Variants in RNF149 observed in about 807,000 individuals in gnomAD.
RNF149 encodes E3 ubiquitin-protein ligase RNF149.
RNF149 carries 21 observed loss-of-function variants against 39.0 expected under a neutral mutation model. That is an observed-to-expected ratio of 0.54 (90% CI 0.38 to 0.77). RNF149 has a LOEUF of 0.77. Among genes scored for constraint, RNF149 ranks in the 30% least tolerant of loss-of-function variants. The pLI is 0.00. For missense variants in RNF149, 493 were observed against 534.9 expected (o/e 0.92, Z 0.77); for synonymous variants, 209 against 213.6 (o/e 0.98, Z 0.19).
intron 3 of RNF149, among the ~76,000 whole-genome samples, chr2:101,289,360 G>A (rs2104405225): frequency 6.6e-6 from 1 of 152,262 alleles, no homozygotes; most frequent in Admixed American, 6.5e-5. Flanking sequence ...TGTCAATATG[G>A]AAGCAGTAAA....
chr2:101,301,865 A>G lies in RNF149; in HGVS notation c.460+6264T>C, dbSNP rs537897968. On this transcript the variant is annotated intron_variant, in intron 1 of 6. Transcript: ENST00000295317. ...ACAACTATTTAAAGTAGATTTCAAC[A>G]TTCTCTTGAAGGAGATGGCAGTTAC... Among the ~76,000 whole-genome samples, 3 of 152,350 alleles carry G rather than the reference A, an allele frequency of 2.0e-5. No individual in the cohort carries two copies. In the East Asian group the frequency reaches 5.8e-4, roughly 29 times the overall value.
chr2:101,291,560 G>A lies in RNF149; in HGVS notation c.780+2454C>T, dbSNP rs547717047. ...AGTCTCCCAAAGTGCTGGGATTACAGGTGCGAGCCACCCTGCCAGACCACA... is the reference window on the plus strand; with the variant it reads ...AGTCTCCCAAAGTGCTGGGATTACAAGTGCGAGCCACCCTGCCAGACCACA... On this transcript the variant is annotated intron_variant, in intron 3 of 6. Coordinates refer to ENST00000295317, the MANE Select transcript of RNF149 (RefSeq NM_173647.4). Among the ~76,000 whole-genome samples, 4 of 152,166 alleles carry A rather than the reference G, an allele frequency of 2.6e-5. No homozygotes were observed. In the East Asian group the frequency reaches 5.8e-4, roughly 22 times the overall value.
downstream of RNF149, among the ~76,000 whole-genome samples, chr2:101,272,124 C>G (rs1682155239): frequency 6.6e-6 from 1 of 152,156 alleles, no homozygotes; most frequent in Non-Finnish European, 1.5e-5. Context: ...ACTTTACATC[C>G]TGTCCTTTTT....
chr2:101,298,765 T>C (rs1348324781), intron 1 of RNF149, among the ~76,000 whole-genome samples: 1 of 152,168 alleles, frequency 6.6e-6, no homozygotes, highest in Non-Finnish European at 1.5e-5. Context: ...ACCATGACTG[T>C]TTCTGGGGAG....
chr2:101,288,791 G>C (rs1573235050), intron 4 of RNF149, 182 bp downstream of exon 4: 1 of 534,880 alleles, frequency 1.9e-6, no homozygotes, highest in East Asian at 3.3e-5. Flanking sequence ...GAATCTCCTA[G>C]GCAAAGCAAT....
chr2:101,304,507 G>T (rs1341513054), intron 1 of RNF149, among the ~76,000 whole-genome samples: 1 of 152,174 alleles, frequency 6.6e-6, no homozygotes, highest in Non-Finnish European at 1.5e-5. Context: ...AAAGTTCTGT[G>T]TATCACTCCT....
At chr2:101,307,990 C>T (rs1683742591) in intron 1 of RNF149, 139 bp downstream of exon 1, 2 of 1,440,128 alleles carry the variant, frequency 1.4e-6, no homozygotes, top group Non-Finnish European at 1.8e-6. Flanking sequence ...ACGAGGGCTT[C>T]CCTGAAAGTT....
intron 1 of RNF149, among the ~76,000 whole-genome samples, chr2:101,297,255 T>C (rs1442808628): frequency 6.7e-6 from 1 of 150,362 alleles, no homozygotes; most frequent in East Asian, 1.9e-4. Context: ...AAAAAATAGA[T>C]GTAACATAAC....
chr2:101,293,428 C>T (rs1486616747), intron 3 of RNF149, among the ~76,000 whole-genome samples: 1 of 152,190 alleles, frequency 6.6e-6, no homozygotes, highest in African/African-American at 2.4e-5. Context: ...CCTTTTAAGG[C>T]ATCTATCCTC....
Position 101,275,676 on chromosome 2 carries a change from C to T in RNF149, c.*1562G>A, listed in dbSNP as rs13017536. Reference sequence around the variant, plus strand: ...CGGGATGGTCTCGATCTCCTGACCTCGTGATCCGCCCGCCTCGGCCTCCCA... The same window carrying T: ...CGGGATGGTCTCGATCTCCTGACCTTGTGATCCGCCCGCCTCGGCCTCCCA... On this transcript the variant is annotated 3_prime_UTR_variant, in exon 7 of 7. Transcript: ENST00000295317. The T allele has an allele frequency of 0.42, 96,330 of 231,366 alleles. 19,803 individuals are homozygous for T. The highest frequency in any genetic ancestry group is 0.55 in the East Asian group (2,869 of 5,176). 14.3% of individuals were successfully genotyped at this position (231,366 alleles called of 1,614,324 possible). A position where few individuals can be genotyped will look rare whatever the true frequency, so the allele number is the denominator to read the frequency against.
At chr2:101,284,199 C>G (rs967652382) in intron 5 of RNF149, among the ~76,000 whole-genome samples, 1 of 152,204 alleles carries the variant, frequency 6.6e-6, no homozygotes, top group African/African-American at 2.4e-5. Flanking sequence ...AAAACAGTCT[C>G]AGTTTCTAGT....
intron 6 of RNF149, among the ~76,000 whole-genome samples, chr2:101,279,894 C>A (rs973201849): frequency 6.6e-6 from 1 of 152,152 alleles, no homozygotes; most frequent in Non-Finnish European, 1.5e-5. Flanking sequence ...CCTGAAGCAT[C>A]GATTCTTCCC....
chr2:101,294,204 C>A, intron 2 of RNF149, 122 bp from the exon 3 acceptor site: 1 of 610,384 alleles, frequency 1.6e-6, no homozygotes, highest in Non-Finnish European at 2.9e-6. Context: ...AAGGCAAAGT[C>A]AAATGACTAT....
At chr2:101,273,188 G>C, downstream of RNF149, 1 of 1,212,662 alleles carries the variant, frequency 8.2e-7, no homozygotes, top group Middle Eastern at 3.4e-4. Flanking sequence ...GGGAAACCCA[G>C]AACGCCAGTC....
chr2:101,273,476 CTTTTTTTTTT>C, downstream of RNF149: 1 of 350,414 alleles, frequency 2.9e-6, no homozygotes, highest in African/African-American at 2.4e-5. Context: ...ATATTTGTTT[CTTTTTTTTTT>C]TTTTTTTTGA....
At chr2:101,303,267 C>T (rs1683524583) in intron 1 of RNF149, among the ~76,000 whole-genome samples, 1 of 144,062 alleles carries the variant, frequency 6.9e-6, no homozygotes, top group Non-Finnish European at 1.5e-5. Context: ...AGACACTTGC[C>T]TCAACGTTGG....
At chr2:101,302,662 C>T (rs1468394633) in intron 1 of RNF149, among the ~76,000 whole-genome samples, 1 of 152,142 alleles carries the variant, frequency 6.6e-6, no homozygotes, top group Non-Finnish European at 1.5e-5. Flanking sequence ...CACACCTTCC[C>T]CATCGACTTT....
chr2:101,277,799 A>G (rs1296782804), intron 6 of RNF149, among the ~76,000 whole-genome samples: 1 of 152,248 alleles, frequency 6.6e-6, no homozygotes, highest in Non-Finnish European at 1.5e-5. Flanking sequence ...TTCTAGCATT[A>G]GCCTAGCCAA....
rs575355464 is a variant in RNF149 at position 101,277,398 on chromosome 2, A to AT, written c.1160-118dup. Reference sequence around the variant, plus strand: ...TTCAAGATGGTAAACAGAAAAAAAAATTTTTTTTGAGACGGAGTCTTGTTC... The same window carrying AT: ...TTCAAGATGGTAAACAGAAAAAAAAATTTTTTTTTGAGACGGAGTCTTGTTC... On this transcript the variant is annotated intron_variant, in intron 6 of 6. Transcript: ENST00000295317. 774 of 1,376,634 alleles carry AT rather than the reference A, an allele frequency of 5.6e-4. 5 individuals carry two copies. In the African/African-American group the frequency reaches 0.01, roughly 18 times the overall value. The allele number at this position is 1,376,634 out of a possible 1,614,324, so 85.3% of individuals were successfully genotyped here.
Sources: gnomAD v4.1 joint callset for allele counts (sites outside exome capture counted in the v4.1 genomes callset) on GRCh38, gnomAD v4.1.1 for gene constraint, MANE v1.5 for transcripts, NCBI Gene and HGNC (gene_info 2026-07-23, HGNC 2026-07-21) for gene names.